The following CORIN variants were observed in gnomAD, a reference collection of about 807,000 sequenced individuals.
CORIN encodes the protein corin, serine peptidase, also known as atrial natriuretic peptide-converting enzyme.
CORIN carries 117 observed loss-of-function variants against 125.3 expected under a neutral mutation model. The ratio of observed to expected loss-of-function variants is 0.93; its 90% CI spans 0.80 to 1.09. The LOEUF (loss-of-function observed/expected upper bound fraction) is 1.09, where lower values mean the gene tolerates loss of function less well. Among genes scored for constraint, CORIN ranks in the 50% least tolerant of loss-of-function variants. The pLI is 0.00. For missense variants in CORIN, 1,253 were observed against 1,306.7 expected, an observed-to-expected ratio of 0.96 and a Z score of 0.63; for synonymous variants, 450 against 466.4, an observed-to-expected ratio of 0.96 and a Z score of 0.45.
intron 5 of CORIN, among the ~76,000 whole-genome samples, chr4:47,694,107 C>T (rs1577834868): frequency 6.6e-6 from 1 of 152,204 alleles, no homozygotes; most frequent in Middle Eastern, 3.4e-3. Flanking sequence ...AATTTTGATA[C>T]CACCATAATG....
intron 4 of CORIN, among the ~76,000 whole-genome samples, chr4:47,758,436 T>A (rs909503061): frequency 6.6e-6 from 1 of 152,084 alleles, no homozygotes; most frequent in South Asian, 2.1e-4. Flanking sequence ...GCAATTCCTA[T>A]CAAAATACCA....
intron 9 of CORIN, among the ~76,000 whole-genome samples, chr4:47,677,405 C>T (rs1205207065): frequency 6.6e-6 from 1 of 152,178 alleles, no homozygotes; most frequent in Non-Finnish European, 1.5e-5. Context: ...TCCACACACA[C>T]TGGAGCTGCA....
chr4:47,652,909 T>C (rs1050690951), intron 13 of CORIN, among the ~76,000 whole-genome samples: 4 of 152,190 alleles, frequency 2.6e-5, no homozygotes, highest in Admixed American at 2.0e-4. Context: ...CTGATAACAA[T>C]GGCTTTATAA....
At chr4:47,630,964 T>C (rs1317757735) in intron 16 of CORIN, among the ~76,000 whole-genome samples, 1 of 152,156 alleles carries the variant, frequency 6.6e-6, no homozygotes, top group Admixed American at 6.5e-5. Flanking sequence ...TGAGGCTCCA[T>C]GTGAGCAGAA....
intron 6 of CORIN, among the ~76,000 whole-genome samples, chr4:47,689,169 G>A (rs1198779219): frequency 6.6e-6 from 1 of 152,152 alleles, no homozygotes; most frequent in Non-Finnish European, 1.5e-5. Context: ...GGGAGTGGAG[G>A]AACAATAAGA....
At chr4:47,662,551 ACTT>A (rs1724299247) in intron 11 of CORIN, among the ~76,000 whole-genome samples, 1 of 152,122 alleles carries the variant, frequency 6.6e-6, no homozygotes, top group Admixed American at 6.6e-5. Context: ...AGATTTCTTT[ACTT>A]CTTTTTTTAC....
intron 1 of CORIN, chr4:47,837,560 C>G: frequency 2.1e-6 from 1 of 465,678 alleles, no homozygotes; most frequent in South Asian, 2.3e-5. Flanking sequence ...AGGGACTCTG[C>G]AGGAAAGGTG....
chr4:47,791,878 T>A (rs144763741), intron 2 of CORIN, among the ~76,000 whole-genome samples: 163 of 152,290 alleles, frequency 1.1e-3, no homozygotes, highest in Non-Finnish European at 1.2e-3. Context: ...TAGTAAGAGG[T>A]CCTTACTATC....
intron 3 of CORIN, among the ~76,000 whole-genome samples, chr4:47,779,357 T>C (rs1730435316): frequency 2.0e-5 from 3 of 152,050 alleles, no homozygotes; most frequent in African/African-American, 4.8e-5. Context: ...TCCTCTAAGA[T>C]AGTTGCCTGA....
intron 12 of CORIN, among the ~76,000 whole-genome samples, chr4:47,657,479 G>A (rs965649513): frequency 3.4e-5 from 5 of 147,780 alleles, no homozygotes; most frequent in African/African-American, 1.2e-4. Context: ...AGCTTGCAGT[G>A]AGCGGAGATC....
At chr4:47,694,218 T>C (rs1725887219) in intron 5 of CORIN, among the ~76,000 whole-genome samples, 1 of 152,200 alleles carries the variant, frequency 6.6e-6, no homozygotes, top group Admixed American at 6.5e-5. Context: ...CAACTGGTCC[T>C]AGAAAACAAA....
intron 8 of CORIN, among the ~76,000 whole-genome samples, chr4:47,678,774 A>T (rs1725134875): frequency 6.6e-6 from 1 of 152,142 alleles, no homozygotes; most frequent in South Asian, 2.1e-4. Context: ...TCACTGAATT[A>T]CTAATATTAT....
intron 5 of CORIN, chr4:47,706,882 G>A: frequency 6.3e-7 from 1 of 1,599,218 alleles, no homozygotes; most frequent in Non-Finnish European, 8.5e-7. Context: ...CAGGCCGAAA[G>A]AGCCGTGGCC....
chr4:47,738,436 T>C (rs1436167507), intron 5 of CORIN, among the ~76,000 whole-genome samples: 1 of 152,194 alleles, frequency 6.6e-6, no homozygotes, highest in Non-Finnish European at 1.5e-5. Flanking sequence ...CAACCATTAG[T>C]TGACCACTAG....
intron 2 of CORIN, among the ~76,000 whole-genome samples, chr4:47,800,937 C>T (rs1731514875): frequency 6.6e-6 from 1 of 152,156 alleles, no homozygotes; most frequent in Non-Finnish European, 1.5e-5. Flanking sequence ...CTGCTTAATG[C>T]ATTTTCTCTT....
chr4:47,634,346 TA>T (rs1722945547), intron 16 of CORIN, among the ~76,000 whole-genome samples: 1 of 152,118 alleles, frequency 6.6e-6, no homozygotes, highest in East Asian at 1.9e-4. Context: ...CCAATCAAAA[TA>T]AATCTTGGGC....
At chr4:47,722,453 C>A (rs1727392503) in intron 5 of CORIN, among the ~76,000 whole-genome samples, 1 of 152,248 alleles carries the variant, frequency 6.6e-6, no homozygotes, top group South Asian at 2.1e-4. Flanking sequence ...CATTTCAAAC[C>A]TGCTATGGCA....
intron 5 of CORIN, among the ~76,000 whole-genome samples, chr4:47,716,355 G>A (rs994523422): frequency 1.3e-5 from 2 of 152,074 alleles, no homozygotes; most frequent in Admixed American, 6.6e-5. Flanking sequence ...AAGAAAAAAG[G>A]GCATAAAATA....
At chr4:47,626,989 TGTTG>T (rs1247942516) in intron 16 of CORIN, among the ~76,000 whole-genome samples, 5 of 124,194 alleles carry the variant, frequency 4.0e-5, no homozygotes, top group African/African-American at 1.5e-4. Flanking sequence ...TTGTTGTTGT[TGTTG>T]TTTTTTTTTT....
Sources: allele counts gnomAD v4.1 joint callset (sites outside exome capture counted in the v4.1 genomes callset), GRCh38; gene constraint gnomAD v4.1.1; transcripts MANE v1.5; gene names NCBI Gene and HGNC (gene_info 2026-07-23, HGNC 2026-07-21).